EPYC: variants seen among roughly 807,000 people sequenced by gnomAD.
EPYC encodes epiphycan.
EPYC carries 28 observed loss-of-function variants against 30.1 expected under a neutral mutation model. The observed-to-expected ratio is 0.93, with a 90% CI of 0.69 to 1.28. EPYC has a LOEUF of 1.28. EPYC is among the 50% of genes most tolerant of loss of function. The pLI, the probability that EPYC is intolerant of heterozygous loss-of-function variation, is 0.00. For missense variants in EPYC, 382 were observed against 383.5 expected (o/e 1.00, Z 0.03); for synonymous variants, 144 against 141.4 (o/e 1.02, Z -0.13).
At chr12:90,984,831 C>G (rs1482340223) in intron 2 of EPYC, among the ~76,000 whole-genome samples, 2 of 152,098 alleles carry the variant, frequency 1.3e-5, no homozygotes, top group Admixed American at 1.3e-4. Context: ...CGGTTATGTT[C>G]CCTTCAAGCT....
At chr12:90,988,552 A>G (rs1383612911) in intron 2 of EPYC, among the ~76,000 whole-genome samples, 1 of 152,292 alleles carries the variant, frequency 6.6e-6, no homozygotes, top group East Asian at 1.9e-4. Flanking sequence ...TATGAAAATA[A>G]CTAGCATGAA....
chr12:90,988,484 C>T (rs1416170153), intron 2 of EPYC, among the ~76,000 whole-genome samples: 1 of 152,082 alleles, frequency 6.6e-6, no homozygotes, highest in Non-Finnish European at 1.5e-5. Flanking sequence ...TTATATCTGA[C>T]ATGGAGAAGA....
rs78961661 is a variant in EPYC, at chr12:90,965,000, C to A, written c.799-674G>T. Among the ~76,000 whole-genome samples the A allele has an allele frequency of 5.6e-3, 848 of 152,096 alleles. 3 individuals carry two copies. The highest frequency in any genetic ancestry group is 0.02 in the African/African-American group (819 of 41,486). Reference sequence around the variant, plus strand: ...TCTAATTTTAAAGCATTTTCAACACCCCCAAAAGAAAACCACACATTCCCC... The same window carrying A: ...TCTAATTTTAAAGCATTTTCAACACACCCAAAAGAAAACCACACATTCCCC... On this transcript the variant is annotated intron_variant, in intron 6 of 6. Transcript: ENST00000261172.
At chr12:90,981,679 A>T (rs1238504767) in intron 2 of EPYC, among the ~76,000 whole-genome samples, 1 of 152,022 alleles carries the variant, frequency 6.6e-6, no homozygotes, top group Non-Finnish European at 1.5e-5. Context: ...AATATGAAAA[A>T]CTGGTGTGTT....
chr12:90,981,392 G>T (rs1424933610), intron 2 of EPYC, among the ~76,000 whole-genome samples: 1 of 152,044 alleles, frequency 6.6e-6, no homozygotes, highest in Non-Finnish European at 1.5e-5. Flanking sequence ...TACATTTATT[G>T]TATCAGATTG....
chr12:90,971,313 C>T (rs1877038421), intron 5 of EPYC, among the ~76,000 whole-genome samples: 1 of 152,078 alleles, frequency 6.6e-6, no homozygotes, highest in Non-Finnish European at 1.5e-5. Context: ...TGGTGTTTCT[C>T]AGAAGCATGA....
At chr12:90,987,766 A>C (rs1443262119) in intron 2 of EPYC, among the ~76,000 whole-genome samples, 2 of 152,178 alleles carry the variant, frequency 1.3e-5, no homozygotes, top group Non-Finnish European at 1.5e-5. Flanking sequence ...TCTGAGAAGC[A>C]CTATCTATGT....
At chr12:90,971,670 C>G (rs1877046608) in intron 5 of EPYC, 130 bp downstream of exon 5, 3 of 118,588 alleles carry the variant, frequency 2.5e-5, no homozygotes, top group Non-Finnish European at 3.7e-5. Context: ...GAGACCCTAT[C>G]TCAATAAATA....
intron 2 of EPYC, among the ~76,000 whole-genome samples, chr12:90,988,394 TTTG>T (rs1877503353): frequency 6.6e-6 from 1 of 152,046 alleles, no homozygotes; most frequent in South Asian, 2.1e-4. Flanking sequence ...AGAGGAATGG[TTTG>T]TTATTATGGT....
chr12:90,989,320 T>G (rs768046324), intron 2 of EPYC, among the ~76,000 whole-genome samples: 1 of 152,060 alleles, frequency 6.6e-6, no homozygotes, highest in Non-Finnish European at 1.5e-5. Context: ...TTTGTGTAAA[T>G]TCACTTATTT....
chr12:90,981,924 GA>G (rs547540586), intron 2 of EPYC, among the ~76,000 whole-genome samples: 2 of 151,856 alleles, frequency 1.3e-5, no homozygotes, highest in East Asian at 3.9e-4. Flanking sequence ...ATATGTTATG[GA>G]AAAAAATGCT....
intron 6 of EPYC, among the ~76,000 whole-genome samples, chr12:90,969,310 T>A (rs1228784694): frequency 6.6e-6 from 1 of 151,960 alleles, no homozygotes; most frequent in Non-Finnish European, 1.5e-5. Flanking sequence ...GATTAGAGAA[T>A]GTTGATTATA....
At chr12:90,986,293 G>A (rs889428865) in intron 2 of EPYC, among the ~76,000 whole-genome samples, 1 of 152,022 alleles carries the variant, frequency 6.6e-6, no homozygotes, top group African/African-American at 2.4e-5. Context: ...AAGGCCTGAA[G>A]CTCACAAAGG....
intron 2 of EPYC, among the ~76,000 whole-genome samples, chr12:90,995,558 G>A (rs1242025036): frequency 1.3e-5 from 2 of 151,584 alleles, no homozygotes; most frequent in African/African-American, 2.4e-5. Flanking sequence ...ATGAAAACTC[G>A]GGGCAAAATT....
chr12:90,967,271 C>G (rs575347778), intron 6 of EPYC, among the ~76,000 whole-genome samples: 2 of 151,974 alleles, frequency 1.3e-5, no homozygotes, highest in Non-Finnish European at 2.9e-5. Flanking sequence ...TGCTTTAGCT[C>G]CATCCCATAC....
chr12:90,998,537 C>G (rs1277879553), intron 2 of EPYC, among the ~76,000 whole-genome samples: 1 of 152,066 alleles, frequency 6.6e-6, no homozygotes, highest in African/African-American at 2.4e-5. Context: ...AATAAATCTA[C>G]CACCATCAGT....
chr12:90,988,070 A>C (rs1284789987), intron 2 of EPYC, among the ~76,000 whole-genome samples: 2 of 152,148 alleles, frequency 1.3e-5, no homozygotes, highest in Non-Finnish European at 2.9e-5. Flanking sequence ...ATACACTGAG[A>C]TCCTTATTGA....
At chr12:90,987,516 G>A (rs1365979478) in intron 2 of EPYC, among the ~76,000 whole-genome samples, 1 of 152,158 alleles carries the variant, frequency 6.6e-6, no homozygotes, top group Non-Finnish European at 1.5e-5. Context: ...ATCTCATAGA[G>A]AAAGCAGGTA....
chr12:90,998,941 C>T (rs1051687532), intron 2 of EPYC, among the ~76,000 whole-genome samples: 2 of 152,028 alleles, frequency 1.3e-5, no homozygotes, highest in African/African-American at 4.8e-5. Context: ...TACTGGCCAT[C>T]AGTTTCTCTC....
Sources: gnomAD v4.1 joint callset for allele counts (sites outside exome capture counted in the v4.1 genomes callset) on GRCh38, gnomAD v4.1.1 for gene constraint, MANE v1.5 for transcripts, NCBI Gene and HGNC (gene_info 2026-07-23, HGNC 2026-07-21) for gene names.